The following TMEM150C variants were observed in gnomAD, a reference collection of about 807,000 sequenced individuals.
The protein encoded by TMEM150C is transmembrane protein 150C, also known as tentonin 3.
TMEM150C carries 10 observed loss-of-function variants against 29.9 expected under a neutral mutation model. The ratio of observed to expected loss-of-function variants is 0.33; its 90% CI spans 0.21 to 0.57. The LOEUF (loss-of-function observed/expected upper bound fraction) is 0.57, where lower values mean the gene tolerates loss of function less well. TMEM150C is among the 20% of genes least tolerant of loss of function. The pLI is 0.88. For missense variants in TMEM150C, 251 were observed against 303.6 expected, an observed-to-expected ratio of 0.83 and a Z score of 1.29; for synonymous variants, 101 against 112.5, an observed-to-expected ratio of 0.90 and a Z score of 0.64.
chr4:82,555,698 G>A (rs969627697), intron 1 of TMEM150C, among the ~76,000 whole-genome samples: 2 of 152,284 alleles, frequency 1.3e-5, no homozygotes, highest in Admixed American at 6.5e-5. Context: ...GTGGTTGAAC[G>A]CTTGGGCTGT....
chr4:82,508,483 T>TG (rs1428562346), intron 1 of TMEM150C, among the ~76,000 whole-genome samples: 1 of 151,832 alleles, frequency 6.6e-6, no homozygotes, highest in Non-Finnish European at 1.5e-5. Flanking sequence ...TTTTTTTTTT[T>TG]GAGATGGGGT....
chr4:82,513,644 A>G (rs947353089), intron 1 of TMEM150C, among the ~76,000 whole-genome samples: 2 of 152,192 alleles, frequency 1.3e-5, no homozygotes, highest in African/African-American at 4.8e-5. Flanking sequence ...ACTGATTTGC[A>G]AAGAGAGATA....
rs1723068573 is a variant in TMEM150C at position 82,483,737 on chromosome 4, G to A, written c.*1774C>T. On this transcript the variant is annotated 3_prime_UTR_variant, in exon 8 of 8. Coordinates refer to ENST00000449862, the MANE Select transcript of TMEM150C (RefSeq NM_001080506.3). ...AACAATACAGAGATGAAAAGACATT[G>A]ACCTTTTCCTCAAGAAATTCAGACT... 6.6e-6 allele frequency: 1 copy of A among 151,786 alleles called. No homozygotes were observed. The highest frequency in any genetic ancestry group is 1.5e-5 in the Non-Finnish European group (1 of 67,972). The allele number at this position is 151,786 out of a possible 1,614,324, so 9.4% of individuals were successfully genotyped here. A position where few individuals can be genotyped will look rare whatever the true frequency, so the allele number is the denominator to read the frequency against.
At chr4:82,533,925 T>G (rs1724928444) in intron 1 of TMEM150C, among the ~76,000 whole-genome samples, 1 of 152,228 alleles carries the variant, frequency 6.6e-6, no homozygotes, top group Non-Finnish European at 1.5e-5. Context: ...CATCTAGAAC[T>G]TTCACATTAC....
At chr4:82,502,317 TACAC>T (rs992648698) in intron 5 of TMEM150C, among the ~76,000 whole-genome samples, 3 of 152,354 alleles carry the variant, frequency 2.0e-5, no homozygotes, top group Middle Eastern at 3.4e-3. Context: ...AGACAGTATC[TACAC>T]ACATCAACAA....
At chr4:82,527,994 A>G (rs139593348) in intron 1 of TMEM150C, among the ~76,000 whole-genome samples, 27 of 152,384 alleles carry the variant, frequency 1.8e-4, no homozygotes, top group African/African-American at 6.5e-4. Context: ...ATAATGTAAT[A>G]TATGTCCACT....
intron 1 of TMEM150C, among the ~76,000 whole-genome samples, chr4:82,511,157 T>A (rs759118905): frequency 6.6e-6 from 1 of 152,134 alleles, no homozygotes; most frequent in Non-Finnish European, 1.5e-5. Flanking sequence ...GTATATGACT[T>A]CCCTCCATCC....
At chr4:82,556,761 T>C (rs1005428916) in intron 1 of TMEM150C, among the ~76,000 whole-genome samples, 1 of 152,078 alleles carries the variant, frequency 6.6e-6, no homozygotes, top group Admixed American at 6.5e-5. Flanking sequence ...TTGTGCATTA[T>C]AAATCTCCAA....
chr4:82,508,830 C>T (rs973334024), intron 1 of TMEM150C, among the ~76,000 whole-genome samples: 2 of 152,066 alleles, frequency 1.3e-5, no homozygotes, highest in Non-Finnish European at 2.9e-5. Context: ...TAATACTTCA[C>T]AGTAAAAAAA....
At chr4:82,530,809 A>C (rs1724820261) in intron 1 of TMEM150C, among the ~76,000 whole-genome samples, 1 of 152,180 alleles carries the variant, frequency 6.6e-6, no homozygotes, top group African/African-American at 2.4e-5. Context: ...TAGCTTCTGG[A>C]GAGGCCTCAG....
At chr4:82,532,732 T>G (rs1724885559) in intron 1 of TMEM150C, among the ~76,000 whole-genome samples, 2 of 147,422 alleles carry the variant, frequency 1.4e-5, no homozygotes, top group Admixed American at 1.4e-4. Context: ...CAAGTAAACT[T>G]TTTTTTTTTT....
chr4:82,550,383 C>A (rs778334189), intron 1 of TMEM150C, among the ~76,000 whole-genome samples: 1 of 152,064 alleles, frequency 6.6e-6, no homozygotes, highest in African/African-American at 2.4e-5. Context: ...ACTCTTGGGC[C>A]GTTCTTTATA....
chr4:82,494,919 T>C (rs755933646), intron 6 of TMEM150C: 9 of 562,338 alleles, frequency 1.6e-5, no homozygotes, highest in Non-Finnish European at 2.7e-5. Flanking sequence ...TTCCTTGCGC[T>C]TCTCTTTAGC....
Position 82,483,796 on chromosome 4 carries a change from C to T in TMEM150C, c.*1715G>A, listed in dbSNP as rs6853103. ...AATTAAAAAACGTTTTTCTTTTTTTCTTTTTTTTTTGAGATGGAGTTTTTA... is the reference window on the plus strand; with the variant it reads ...AATTAAAAAACGTTTTTCTTTTTTTTTTTTTTTTTTGAGATGGAGTTTTTA... On this transcript the variant is annotated 3_prime_UTR_variant, in exon 8 of 8. Transcript: ENST00000449862. 0.58 allele frequency: 79,563 copies of T among 136,402 alleles called. 23,077 individuals carry two copies. Among genetic ancestry groups the T allele is most frequent in the African/African-American group, 0.77 (28,849 of 37,326 alleles). The allele number at this position is 136,402 out of a possible 1,614,324, so 8.4% of individuals were successfully genotyped here.
At chr4:82,520,522 A>G (rs1409050886) in intron 1 of TMEM150C, among the ~76,000 whole-genome samples, 1 of 152,236 alleles carries the variant, frequency 6.6e-6, no homozygotes, top group Non-Finnish European at 1.5e-5. Flanking sequence ...ATAAGAGTTC[A>G]AACTGAACCA....
intron 1 of TMEM150C, among the ~76,000 whole-genome samples, chr4:82,540,134 T>C (rs1325371717): frequency 5.5e-5 from 7 of 126,708 alleles, no homozygotes; most frequent in East Asian, 2.2e-4. Flanking sequence ...TTTTTTTTTT[T>C]TTTTTTTTTT....
chr4:82,532,964 G>A (rs146781081), intron 1 of TMEM150C, among the ~76,000 whole-genome samples: 4,424 of 152,154 alleles, frequency 0.029, 102 homozygotes, highest in Non-Finnish European at 0.045. Flanking sequence ...TCCTGACCTC[G>A]TGATCCGCCT....
chr4:82,499,279 T>C (rs1211405130), intron 5 of TMEM150C, among the ~76,000 whole-genome samples: 4 of 152,352 alleles, frequency 2.6e-5, no homozygotes, highest in Admixed American at 1.3e-4. Context: ...GATCAATAGA[T>C]ATATTTTTTT....
intron 1 of TMEM150C, among the ~76,000 whole-genome samples, chr4:82,523,038 A>C (rs148173416): frequency 3.7e-4 from 57 of 152,292 alleles, no homozygotes; most frequent in Middle Eastern, 3.4e-3. Flanking sequence ...TCACATGAAG[A>C]ATCTTTGTCA....
Sources: allele counts gnomAD v4.1 joint callset (sites outside exome capture counted in the v4.1 genomes callset), GRCh38; gene constraint gnomAD v4.1.1; transcripts MANE v1.5; gene names NCBI Gene and HGNC (gene_info 2026-07-23, HGNC 2026-07-21).